FAM53B: variants seen among roughly 807,000 people sequenced by gnomAD.
The protein encoded by FAM53B is family with sequence similarity 53 member B.
A neutral mutation model predicts 32.7 loss-of-function variants in FAM53B; 12 were observed. The ratio of observed to expected loss-of-function variants is 0.37; its 90% CI spans 0.24 to 0.59. The LOEUF (loss-of-function observed/expected upper bound fraction) is 0.59. Among genes scored for constraint, FAM53B ranks in the 20% least tolerant of loss-of-function variants. FAM53B has a pLI of 0.72. For missense variants in FAM53B, 477 were observed against 577.7 expected, an observed-to-expected ratio of 0.83 and a Z score of 1.79; for synonymous variants, 234 against 228.7, an observed-to-expected ratio of 1.02 and a Z score of -0.21.
At chr10:124,727,168 C>A (rs1460264504) in intron 1 of FAM53B, among the ~76,000 whole-genome samples, 2 of 152,066 alleles carry the variant, frequency 1.3e-5, no homozygotes, top group Admixed American at 6.5e-5. Context: ...CAGGTGCATG[C>A]CATAACACCC....
At chr10:124,714,059 T>C (rs956056032) in intron 1 of FAM53B, 1 of 152,162 alleles carries the variant, frequency 6.6e-6, no homozygotes, top group Non-Finnish European at 1.5e-5. Flanking sequence ...TGGGTCACGT[T>C]GTCTCCTGCC....
chr10:124,696,103 G>T, intron 3 of FAM53B, 55 bp downstream of exon 3: 1 of 1,472,314 alleles, frequency 6.8e-7, no homozygotes, highest in South Asian at 1.1e-5. Context: ...GGAGGACTCA[G>T]ACCCTGGCTG....
At chr10:124,645,682 C>G (rs572173012) in intron 4 of FAM53B, among the ~76,000 whole-genome samples, 2 of 152,358 alleles carry the variant, frequency 1.3e-5, no homozygotes, top group Non-Finnish European at 2.9e-5. Flanking sequence ...GGCATAACGC[C>G]TGCTTGCCTG....
intron 1 of FAM53B, among the ~76,000 whole-genome samples, chr10:124,713,249 G>A (rs565774016): frequency 6.6e-6 from 1 of 152,306 alleles, no homozygotes; most frequent in South Asian, 2.1e-4. Context: ...GGAAGACTGA[G>A]GCTCCAAGAA....
chr10:124,683,514 C>T (rs559017948), intron 3 of FAM53B, among the ~76,000 whole-genome samples: 4 of 152,308 alleles, frequency 2.6e-5, no homozygotes, highest in African/African-American at 9.6e-5. Flanking sequence ...CTCAGCAATG[C>T]AGATCACTCA....
At chr10:124,728,049 C>G (rs1386165870) in intron 1 of FAM53B, among the ~76,000 whole-genome samples, 1 of 152,192 alleles carries the variant, frequency 6.6e-6, no homozygotes, top group Non-Finnish European at 1.5e-5. Flanking sequence ...GATTCAGACC[C>G]CTGAAAACAC....
intron 4 of FAM53B, among the ~76,000 whole-genome samples, chr10:124,679,488 A>T (rs938927531): frequency 1.3e-5 from 2 of 152,324 alleles, no homozygotes. Flanking sequence ...CCACCTCCCC[A>T]GGCTAGAAAT....
At chr10:124,674,734 C>T (rs977804814) in intron 4 of FAM53B, among the ~76,000 whole-genome samples, 3 of 152,266 alleles carry the variant, frequency 2.0e-5, no homozygotes, top group Admixed American at 1.3e-4. Flanking sequence ...GCAAGACTGG[C>T]GATGTCCTCA....
At chr10:124,632,305 C>T (rs982372894) in intron 4 of FAM53B, among the ~76,000 whole-genome samples, 1 of 152,262 alleles carries the variant, frequency 6.6e-6, no homozygotes, top group Non-Finnish European at 1.5e-5. Flanking sequence ...GGTGTACATT[C>T]CAGCCAGCAC....
At chr10:124,629,856 C>T (rs765412398) in intron 4 of FAM53B, among the ~76,000 whole-genome samples, 3 of 152,250 alleles carry the variant, frequency 2.0e-5, no homozygotes, top group Admixed American at 2.0e-4. Context: ...GCGTGAAGGC[C>T]GTACTCTTTC....
chr10:124,636,566 A>C (rs934509117), intron 4 of FAM53B, among the ~76,000 whole-genome samples: 4 of 152,166 alleles, frequency 2.6e-5, no homozygotes, highest in Non-Finnish European at 5.9e-5. Context: ...TTTGCTGTAC[A>C]GAGGTTCAGG....
Position 124,623,297 on chromosome 10 carries a change from T to C in FAM53B, c.1214A>G (p.Asn405Ser). The C allele has an allele frequency of 1.2e-6, 2 of 1,612,316 alleles. No homozygotes were observed. The highest frequency in any genetic ancestry group is 1.1e-5 in the South Asian group (1 of 91,028). Reference protein sequence around the residue: ...AAWRDRGAPGNSLCSLDGELD... With the variant: ...AAWRDRGAPGSSLCSLDGELD... ...CTCGCCGTCCAGGGAGCAGAGGCTG[T>C]TCCCAGGGGCCCCGCGGTCCCGCCA... Residue 405 changes from asparagine to serine, a missense_variant, in exon 5 of 5, where the codon AAC (asparagine) becomes AGC (serine). Around this residue, in one of 2 missense-constraint regions of FAM53B, gnomAD observed 165 missense variants for 157.5 expected, o/e 1.05. Transcript: ENST00000337318.
chr10:124,633,376 A>G (rs1949404693), intron 4 of FAM53B, among the ~76,000 whole-genome samples: 1 of 152,228 alleles, frequency 6.6e-6, no homozygotes, highest in Non-Finnish European at 1.5e-5. Context: ...CAGAAGTCTA[A>G]TATGATCCCA....
At chr10:124,734,708 C>T (rs559940253) in intron 1 of FAM53B, among the ~76,000 whole-genome samples, 2 of 152,324 alleles carry the variant, frequency 1.3e-5, no homozygotes, top group Admixed American at 1.3e-4. Context: ...AGTCTTCACA[C>T]TCCATACAAA....
chr10:124,673,130 A>T (rs1589746181), intron 4 of FAM53B, among the ~76,000 whole-genome samples: 1 of 152,114 alleles, frequency 6.6e-6, no homozygotes, highest in East Asian at 1.9e-4. Context: ...TATGCCTATC[A>T]CCACTTCCAC....
intron 4 of FAM53B, among the ~76,000 whole-genome samples, chr10:124,654,222 G>A (rs1192470926): frequency 1.3e-5 from 2 of 152,266 alleles, no homozygotes; most frequent in East Asian, 1.9e-4. Flanking sequence ...CCAGCCATGC[G>A]AAGTGCGATT....
chr10:124,623,054 C>A lies in FAM53B; in HGVS notation c.*188G>T, dbSNP rs549515904. 1.8e-5 allele frequency: 13 copies of A among 703,920 alleles called. No individual in the cohort carries two copies. The highest frequency in any genetic ancestry group is 2.7e-5 in the Non-Finnish European group (12 of 439,450). 43.6% of individuals were successfully genotyped at this position (703,920 alleles called of 1,614,324 possible). A position where few individuals can be genotyped will look rare whatever the true frequency, so the allele number is the denominator to read the frequency against. On this transcript the variant is annotated 3_prime_UTR_variant, in exon 5 of 5. Coordinates refer to ENST00000337318, the MANE Select transcript of FAM53B (RefSeq NM_014661.4). ...GGAGCCGGTGAGAGGCTGACACACCCGCTGTATGACGCGGCCAGGCCAGGC... is the reference window on the plus strand; with the variant it reads ...GGAGCCGGTGAGAGGCTGACACACCAGCTGTATGACGCGGCCAGGCCAGGC...
In FAM53B at chr10:124,668,410, A is replaced by G. The variant is rs369461023; in HGVS notation, c.906+13197T>C. On this transcript the variant is annotated intron_variant, in intron 4 of 4. Coordinates refer to ENST00000337318, the MANE Select transcript of FAM53B (RefSeq NM_014661.4). ...AATTCTCAGAAAATTCTGTTGCCCA[A>G]GACTGTTCTAGATTACAGTGAGATG... Among the ~76,000 whole-genome samples the G allele has an allele frequency of 2.0e-5, 3 of 152,256 alleles. No individual in the cohort carries two copies. The East Asian group carries it at 5.8e-4, about 29-fold the overall frequency.
intron 4 of FAM53B, among the ~76,000 whole-genome samples, chr10:124,675,218 T>C (rs1362061263): frequency 6.6e-6 from 1 of 151,960 alleles, no homozygotes; most frequent in Admixed American, 6.5e-5. Flanking sequence ...ATCTCACCAC[T>C]GCACTCCAGC....
Sources: allele counts gnomAD v4.1 joint callset (sites outside exome capture counted in the v4.1 genomes callset), GRCh38; gene constraint gnomAD v4.1.1; regional missense constraint gnomAD v4.1.1; transcripts MANE v1.5; gene names NCBI Gene and HGNC (gene_info 2026-07-23, HGNC 2026-07-21).